ARHGAP22: variants seen among roughly 807,000 people sequenced by gnomAD.
ARHGAP22 encodes the protein rho GTPase-activating protein 22.
ARHGAP22 carries 48 observed loss-of-function variants against 59.1 expected under a neutral mutation model. That is an observed-to-expected ratio of 0.81 (90% CI 0.64 to 1.03). The LOEUF (loss-of-function observed/expected upper bound fraction) is 1.03. ARHGAP22 is among the 50% of genes least tolerant of loss of function. The pLI, the probability that ARHGAP22 is intolerant of heterozygous loss-of-function variation, is 0.00. For synonymous variants in ARHGAP22, 445 were observed against 416.4 expected (o/e 1.07, Z -0.84); for missense variants, 1,015 against 958.7 (o/e 1.06, Z -0.78).
intron 4 of ARHGAP22, chr10:48,466,547 G>C (rs1179092220): frequency 6.7e-6 from 1 of 148,830 alleles, no homozygotes; most frequent in Admixed American, 6.7e-5. Flanking sequence ...GGCGGGCCCG[G>C]GGGCGCCCGC....
intron 1 of ARHGAP22, among the ~76,000 whole-genome samples, chr10:48,592,625 A>C (rs1284520294): frequency 1.3e-5 from 2 of 152,006 alleles, no homozygotes; most frequent in Admixed American, 1.3e-4. Flanking sequence ...ATGTCTGTCT[A>C]TATCTCTGCC....
At chr10:48,540,368 A>G (rs1590047323) in intron 3 of ARHGAP22, among the ~76,000 whole-genome samples, 1 of 152,160 alleles carries the variant, frequency 6.6e-6, no homozygotes, top group South Asian at 2.1e-4. Flanking sequence ...AGTAGCTGGG[A>G]TTACAGGCAT....
chr10:48,451,299 A>G, intron 8 of ARHGAP22, 159 bp from the exon 9 acceptor site: 1 of 998,574 alleles, frequency 1.0e-6, no homozygotes. Context: ...GGAAAGGACC[A>G]CACACCCTCC....
At chr10:48,562,027 C>T (rs2057719757) in intron 2 of ARHGAP22, among the ~76,000 whole-genome samples, 1 of 152,128 alleles carries the variant, frequency 6.6e-6, no homozygotes, top group Non-Finnish European at 1.5e-5. Context: ...AAGTTCGAGA[C>T]CAGCTTGACC....
chr10:48,503,221 C>T (rs1308525906), intron 3 of ARHGAP22, among the ~76,000 whole-genome samples: 1 of 152,200 alleles, frequency 6.6e-6, no homozygotes, highest in Admixed American at 6.5e-5. Flanking sequence ...TAACTGTCAG[C>T]TGAAGACCAT....
At chr10:48,633,409 A>G (rs2061694524) in intron 1 of ARHGAP22, among the ~76,000 whole-genome samples, 1 of 152,262 alleles carries the variant, frequency 6.6e-6, no homozygotes, top group Non-Finnish European at 1.5e-5. Flanking sequence ...AAAGGAAACA[A>G]TTCTCAGCCA....
chr10:48,554,654 C>T (rs2057162892), intron 3 of ARHGAP22, among the ~76,000 whole-genome samples: 1 of 149,250 alleles, frequency 6.7e-6, no homozygotes, highest in South Asian at 2.2e-4. Context: ...AAGCAGTTCT[C>T]AAGGACTTGG....
At chr10:48,577,569 A>G (rs2058799631) in intron 2 of ARHGAP22, among the ~76,000 whole-genome samples, 1 of 152,136 alleles carries the variant, frequency 6.6e-6, no homozygotes, top group Admixed American at 6.6e-5. Context: ...CTTGGAAACC[A>G]AATGTGGATA....
chr10:48,450,910 TTCTGGAGAGCACCGCCACGGCCGCCCCG>T lies in ARHGAP22; in HGVS notation c.1191_1218del (p.Asp397GlufsTer57). 6.3e-7 allele frequency: 1 copy of T among 1,599,248 alleles called. No individual in the cohort carries two copies. Among genetic ancestry groups the T allele is most frequent in the Non-Finnish European group, 8.5e-7 (1 of 1,173,962 alleles). On this transcript the variant is annotated frameshift_variant, in exon 9 of 10. Transcript: ENST00000249601. LOFTEE classifies it high-confidence loss of function. Reference sequence around the variant, plus strand: ...CGGCTCCCCGGCCCCGTGGGGGCTGTTCTGGAGAGCACCGCCACGGCCGCCCCGTCCAGGGAAGAGGTCCTGTGCGCGG... The same window carrying T: ...CGGCTCCCCGGCCCCGTGGGGGCTGTTCCAGGGAAGAGGTCCTGTGCGCGG...
At chr10:48,603,564 A>T (rs933435076) in intron 1 of ARHGAP22, among the ~76,000 whole-genome samples, 1 of 152,196 alleles carries the variant, frequency 6.6e-6, no homozygotes, top group Non-Finnish European at 1.5e-5. Context: ...ACATGTGGCC[A>T]GTGGCCAGCT....
chr10:48,608,159 G>A (rs2060746894), upstream of ARHGAP22, among the ~76,000 whole-genome samples: 1 of 152,228 alleles, frequency 6.6e-6, no homozygotes, highest in African/African-American at 2.4e-5. Flanking sequence ...TGGGGTGTTT[G>A]CTGGCTGCCA....
At chr10:48,594,093 G>A (rs575991726) in intron 1 of ARHGAP22, among the ~76,000 whole-genome samples, 1 of 152,350 alleles carries the variant, frequency 6.6e-6, no homozygotes, top group African/African-American at 2.4e-5. Context: ...TTTGATACAT[G>A]CTTATGAGTA....
At chr10:48,540,689 G>T (rs927674819) in intron 3 of ARHGAP22, among the ~76,000 whole-genome samples, 3 of 152,094 alleles carry the variant, frequency 2.0e-5, no homozygotes, top group Non-Finnish European at 4.4e-5. Context: ...GTCAGCCCTG[G>T]CTTGCAGCTC....
intron 3 of ARHGAP22, among the ~76,000 whole-genome samples, chr10:48,542,438 G>A (rs115659966): frequency 1.3e-3 from 192 of 152,296 alleles, no homozygotes; most frequent in African/African-American, 4.2e-3. Context: ...AAGTGAAGTC[G>A]AGTGGGCCAG....
intron 3 of ARHGAP22, among the ~76,000 whole-genome samples, chr10:48,518,119 C>G (rs1221398096): frequency 6.6e-6 from 1 of 152,168 alleles, no homozygotes; most frequent in African/African-American, 2.4e-5. Flanking sequence ...AAAGAGCGGC[C>G]CTTCTCAGAA....
chr10:48,567,263 A>T (rs1564896950), intron 2 of ARHGAP22, among the ~76,000 whole-genome samples: 1 of 152,224 alleles, frequency 6.6e-6, no homozygotes, highest in South Asian at 2.1e-4. Context: ...GTCCTCACCC[A>T]GTGGCCTTAG....
At position 48,583,166 on chromosome 10, in the gene ARHGAP22, A is replaced by G. The variant is rs41281991; in HGVS notation, c.35-14T>C. 7.0e-4 allele frequency: 1,134 copies of G among 1,611,366 alleles called. 3 individuals are homozygous for G. The highest frequency in any genetic ancestry group is 8.8e-4 in the Admixed American group (53 of 59,908). On this transcript the variant is annotated splice_polypyrimidine_tract_variant and intron_variant, in intron 1 of 9. Coordinates refer to ENST00000249601, the MANE Select transcript of ARHGAP22 (RefSeq NM_021226.4). ...TTTTGGAGCGGGCTGAAAGCCAAGGACACACAGAGTGAGCATGAAGGCAGC... is the reference window on the plus strand; with the variant it reads ...TTTTGGAGCGGGCTGAAAGCCAAGGGCACACAGAGTGAGCATGAAGGCAGC...
At chr10:48,468,071 T>C (rs910365129) in intron 4 of ARHGAP22, among the ~76,000 whole-genome samples, 3 of 152,208 alleles carry the variant, frequency 2.0e-5, no homozygotes, top group Admixed American at 2.0e-4. Context: ...AAAAAATCTT[T>C]GATGAACAAA....
chr10:48,629,317 C>T (rs1317168235), intron 1 of ARHGAP22, among the ~76,000 whole-genome samples: 2 of 152,214 alleles, frequency 1.3e-5, no homozygotes, highest in African/African-American at 4.8e-5. Flanking sequence ...TCTGATTTTG[C>T]CTTTTGCTCA....
Sources: allele counts gnomAD v4.1 joint callset (sites outside exome capture counted in the v4.1 genomes callset), GRCh38; gene constraint gnomAD v4.1.1; transcripts MANE v1.5; gene names NCBI Gene and HGNC (gene_info 2026-07-23, HGNC 2026-07-21).